Variants in FBXW7 observed in about 807,000 individuals in gnomAD.
The protein encoded by FBXW7 is F-box and WD repeat domain containing 7.
A neutral mutation model predicts 86.3 loss-of-function variants in FBXW7; 11 were observed. The ratio of observed to expected loss-of-function variants is 0.13; its 90% CI spans 0.08 to 0.21. The LOEUF is 0.21. Ranked by LOEUF, FBXW7 falls within the 10% of genes least tolerant of loss-of-function variation. FBXW7 has a pLI of 1.00. For synonymous variants in FBXW7, 313 were observed against 297.9 expected (o/e 1.05, Z -0.52); for missense variants, 488 against 847.4 (o/e 0.58, Z 5.27).
intron 2 of FBXW7, among the ~76,000 whole-genome samples, chr4:152,501,040 C>T (rs1029044804): frequency 2.6e-5 from 4 of 152,126 alleles, no homozygotes; most frequent in African/African-American, 4.8e-5. Context: ...TAGACAAGTC[C>T]GACTTAAAGT....
At chr4:152,352,658 G>GGA in intron 4 of FBXW7, 1 of 1,613,850 alleles carries the variant, frequency 6.2e-7, no homozygotes, top group Non-Finnish European at 8.5e-7. Flanking sequence ...AGATTAGGGA[G>GGA]CAGAACCGGC....
At chr4:152,527,938 AAACC>A (rs1749678366) in intron 2 of FBXW7, among the ~76,000 whole-genome samples, 1 of 151,954 alleles carries the variant, frequency 6.6e-6, no homozygotes, top group African/African-American at 2.4e-5. Context: ...TTCCAAAAAC[AAACC>A]AACAATTTGC....
intron 2 of FBXW7, among the ~76,000 whole-genome samples, chr4:152,420,000 T>A (rs1484645263): frequency 1.3e-5 from 2 of 152,152 alleles, no homozygotes; most frequent in Non-Finnish European, 2.9e-5. Context: ...GTTAGCCACA[T>A]CAATTGACTC....
intron 2 of FBXW7, among the ~76,000 whole-genome samples, chr4:152,431,827 A>T (rs899236920): frequency 6.6e-5 from 10 of 152,222 alleles, no homozygotes; most frequent in African/African-American, 2.4e-4. Context: ...ATCCTACCTT[A>T]AAAAACAGAC....
intron 2 of FBXW7, among the ~76,000 whole-genome samples, chr4:152,441,767 T>C (rs1301525571): frequency 6.6e-6 from 1 of 152,210 alleles, no homozygotes; most frequent in African/African-American, 2.4e-5. Context: ...AAAGCTCTCT[T>C]TGGAGGATAG....
chr4:152,536,035 G>A lies in FBXW7; in HGVS notation c.-1121C>T, dbSNP rs922831867. The A allele has an allele frequency of 3.3e-5, 7 of 214,314 alleles. No homozygotes were observed. The highest frequency in any genetic ancestry group is 6.1e-5 in the Admixed American group (1 of 16,464). 13.3% of individuals were successfully genotyped at this position (214,314 alleles called of 1,614,324 possible). Reference sequence around the variant, plus strand: ...GGCGGCAGCGGCAGCGGCAGCGCCCGGAGCTCAGCTCGCTGTCTCCCTCGC... The same window carrying A: ...GGCGGCAGCGGCAGCGGCAGCGCCCAGAGCTCAGCTCGCTGTCTCCCTCGC... On this transcript the variant is annotated 5_prime_UTR_variant, in exon 1 of 14. Coordinates refer to ENST00000281708, the MANE Select transcript of FBXW7 (RefSeq NM_001349798.2).
At chr4:152,375,031 AGAG>A (rs1489866631) in intron 4 of FBXW7, among the ~76,000 whole-genome samples, 1 of 152,150 alleles carries the variant, frequency 6.6e-6, no homozygotes, top group African/African-American at 2.4e-5. Flanking sequence ...ACATTTTAGA[AGAG>A]GAGACTTGCT....
In FBXW7 at chr4:152,324,505, G is replaced by C; in HGVS notation, c.1645-111C>G. 3.7e-6 allele frequency: 3 copies of C among 814,366 alleles called. No homozygotes were observed. The South Asian group carries it at 5.2e-5, about 14-fold the overall frequency. 50.4% of individuals were successfully genotyped at this position (814,366 alleles called of 1,614,324 possible). A position where few individuals can be genotyped will look rare whatever the true frequency, so the allele number is the denominator to read the frequency against. On this transcript the variant is annotated intron_variant, in intron 12 of 13. Transcript: ENST00000281708. ...GAGGATGGGAAACAGGTAATGCCAG[G>C]AACAAAATGAGGTACTAAGATAAAG...
intron 4 of FBXW7, among the ~76,000 whole-genome samples, chr4:152,363,995 G>A (rs116565441): frequency 0.011 from 1,648 of 152,252 alleles, 34 homozygotes; most frequent in African/African-American, 0.038. Flanking sequence ...GTATGCAAAT[G>A]TGTGATGTGA....
rs1745483508 is a variant in FBXW7, at chr4:152,487,849, T to C, written c.-120+47092A>G. 2.6e-5 allele frequency among the ~76,000 whole-genome samples: 4 copies of C among 152,222 alleles called. No individual in the cohort carries two copies. In the East Asian group the frequency reaches 5.8e-4, roughly 22 times the overall value. On this transcript the variant is annotated intron_variant, in intron 2 of 13. Transcript: ENST00000281708. ...AATAGCTATACAATACTTAGTTCTG[T>C]AATTCTTGCTGTTTAAAACAACCGT...
chr4:152,492,766 C>T (rs760536989), intron 2 of FBXW7, among the ~76,000 whole-genome samples: 2 of 152,038 alleles, frequency 1.3e-5, no homozygotes, highest in Non-Finnish European at 2.9e-5. Context: ...TGCTATAGTG[C>T]AGCTATGGCA....
At chr4:152,478,055 A>T (rs1744578563) in intron 2 of FBXW7, among the ~76,000 whole-genome samples, 1 of 152,158 alleles carries the variant, frequency 6.6e-6, no homozygotes, top group Non-Finnish European at 1.5e-5. Flanking sequence ...CTTTTACTTT[A>T]AAAATATTTT....
intron 2 of FBXW7, among the ~76,000 whole-genome samples, chr4:152,471,411 AGGAAGGAAAAAG>A (rs1235863099): frequency 7.4e-6 from 1 of 135,358 alleles, no homozygotes; most frequent in Non-Finnish European, 1.6e-5. Context: ...GAGGGAAGGA[AGGAAGGAAAAAG>A]GGAAGGAAGG....
chr4:152,414,054 G>A (rs559849444), intron 2 of FBXW7, among the ~76,000 whole-genome samples: 112 of 152,222 alleles, frequency 7.4e-4, no homozygotes, highest in African/African-American at 2.5e-3. Flanking sequence ...CAAGCCTCTG[G>A]TCACAACACT....
At chr4:152,486,021 AT>A (rs1745307896) in intron 2 of FBXW7, among the ~76,000 whole-genome samples, 1 of 152,222 alleles carries the variant, frequency 6.6e-6, no homozygotes, top group African/African-American at 2.4e-5. Flanking sequence ...ACAAACCTGT[AT>A]ACCATATTAC....
intron 2 of FBXW7, among the ~76,000 whole-genome samples, chr4:152,419,865 C>T (rs976660341): frequency 2.6e-5 from 4 of 152,068 alleles, no homozygotes; most frequent in African/African-American, 7.2e-5. Flanking sequence ...TAAAAAAATG[C>T]TAATGATCAA....
intron 4 of FBXW7, among the ~76,000 whole-genome samples, chr4:152,385,348 T>G (rs149775733): frequency 1.3e-5 from 2 of 152,144 alleles, no homozygotes; most frequent in Admixed American, 6.5e-5. Context: ...TTCCACTGGT[T>G]AATAAAGATA....
At chr4:152,328,990 G>C (rs2126520887) in intron 10 of FBXW7, 1 of 151,924 alleles carries the variant, frequency 6.6e-6, no homozygotes, top group South Asian at 2.1e-4. Context: ...CATGGTAAAA[G>C]ACATTTTAAA....
chr4:152,438,905 C>CT (rs1740625213), intron 2 of FBXW7, among the ~76,000 whole-genome samples: 1 of 152,156 alleles, frequency 6.6e-6, no homozygotes, highest in Admixed American at 6.5e-5. Flanking sequence ...AGACAACAGT[C>CT]TACTTTCCTA....
Sources: gnomAD v4.1 joint callset for allele counts (sites outside exome capture counted in the v4.1 genomes callset) on GRCh38, gnomAD v4.1.1 for gene constraint, MANE v1.5 for transcripts, NCBI Gene and HGNC (gene_info 2026-07-23, HGNC 2026-07-21) for gene names.